Variants in NAV2 observed in about 807,000 individuals in gnomAD.
NAV2 encodes the protein helicase, APC down-regulated 1.
NAV2 carries 54 observed loss-of-function variants against 223.2 expected under a neutral mutation model. The ratio of observed to expected loss-of-function variants is 0.24; its 90% CI spans 0.19 to 0.30. NAV2 has a LOEUF of 0.30. Among genes scored for constraint, NAV2 ranks in the 10% least tolerant of loss-of-function variants. The pLI is 1.00. For missense variants in NAV2, 2,806 were observed against 3,147.5 expected (o/e 0.89, Z 2.60); for synonymous variants, 1,279 against 1,239.3 (o/e 1.03, Z -0.67).
chr11:20,112,727 G>C (rs1035076401), intron 36 of NAV2, among the ~76,000 whole-genome samples: 5 of 152,232 alleles, frequency 3.3e-5, no homozygotes, highest in African/African-American at 1.2e-4. Context: ...AGGAAGCTGA[G>C]GTTCTAGGTT....
intron 6 of NAV2, among the ~76,000 whole-genome samples, chr11:19,931,609 A>AAAAAAAAAAAAAAAAAAAAAAAAAAG (rs10692495): frequency 2.2e-5 from 3 of 137,306 alleles, no homozygotes. Flanking sequence ...AAAAAAAAAA[A>AAAAAAAAAAAAAAAAAAAAAAAAAAG]GCAGAAGAAG....
chr11:19,961,873 A>C (rs1157402923), intron 10 of NAV2, among the ~76,000 whole-genome samples: 2 of 151,996 alleles, frequency 1.3e-5, no homozygotes, highest in African/African-American at 2.4e-5. Flanking sequence ...TCTTGAGCAC[A>C]GTGACCAAAT....
intron 1 of NAV2, among the ~76,000 whole-genome samples, chr11:19,796,581 T>A (rs936338693): frequency 5.9e-5 from 9 of 152,206 alleles, no homozygotes; most frequent in Admixed American, 1.3e-4. Context: ...GTTAGGAAGC[T>A]GAGCCATAAT....
chr11:19,489,819 G>C (rs1590318770), intron 1 of NAV2, among the ~76,000 whole-genome samples: 1 of 152,162 alleles, frequency 6.6e-6, no homozygotes, highest in African/African-American at 2.4e-5. Flanking sequence ...TGCTCCATGA[G>C]AGGAACACTG....
chr11:19,908,143 A>G (rs958927217), intron 6 of NAV2, among the ~76,000 whole-genome samples: 2 of 152,228 alleles, frequency 1.3e-5, no homozygotes, highest in Non-Finnish European at 2.9e-5. Context: ...CCCTCAGATC[A>G]CCTTCTCAGA....
At chr11:20,096,127 G>A (rs1358114108) in intron 30 of NAV2, among the ~76,000 whole-genome samples, 1 of 152,138 alleles carries the variant, frequency 6.6e-6, no homozygotes, top group Admixed American at 6.5e-5. Context: ...CTGTGGCCAG[G>A]GCTTAGACAC....
chr11:19,357,804 A>G (rs950529570), intron 1 of NAV2, among the ~76,000 whole-genome samples: 2 of 152,218 alleles, frequency 1.3e-5, no homozygotes, highest in African/African-American at 4.8e-5. Flanking sequence ...CTTCGACTTC[A>G]TCTTTCCACA....
At chr11:19,705,754 C>T (rs1387652402) in intron 1 of NAV2, among the ~76,000 whole-genome samples, 1 of 152,110 alleles carries the variant, frequency 6.6e-6, no homozygotes, top group African/African-American at 2.4e-5. Flanking sequence ...GCATAGCAGG[C>T]TTTGTTGCTA....
intron 6 of NAV2, among the ~76,000 whole-genome samples, chr11:19,913,226 C>A (rs1470292272): frequency 6.6e-6 from 1 of 152,124 alleles, no homozygotes. Context: ...GATGCATTGC[C>A]TGGTACATTT....
At position 20,118,992 on chromosome 11, in the gene NAV2, G is replaced by T. The variant is rs540377373; in HGVS notation, c.*734G>T. 6.6e-6 allele frequency: 1 copy of T among 152,482 alleles called. No individual in the cohort carries two copies. Among genetic ancestry groups the T allele is most frequent in the African/African-American group, 2.4e-5 (1 of 41,434 alleles). 9.4% of individuals were successfully genotyped at this position (152,482 alleles called of 1,614,324 possible). Reference sequence around the variant, plus strand: ...TGAGAGTGAGTGACGGAGTGAGAGTGTGAGCGAGTGGATGTGGCTGTCAGT... The same window carrying T: ...TGAGAGTGAGTGACGGAGTGAGAGTTTGAGCGAGTGGATGTGGCTGTCAGT... On this transcript the variant is annotated 3_prime_UTR_variant, in exon 38 of 38. Transcript: ENST00000349880.
intron 11 of NAV2, among the ~76,000 whole-genome samples, chr11:19,984,562 G>C (rs921170770): frequency 6.6e-6 from 1 of 152,174 alleles, no homozygotes; most frequent in African/African-American, 2.4e-5. Flanking sequence ...CCCTAGGGAT[G>C]TGCTTTACTT....
chr11:19,861,967 T>C (rs148259166), intron 3 of NAV2, among the ~76,000 whole-genome samples: 79 of 152,310 alleles, frequency 5.2e-4, no homozygotes, highest in African/African-American at 1.5e-3. Flanking sequence ...AGAGTAAGGA[T>C]AGACTTCTAG....
rs1277037032 is a variant in NAV2 at position 19,949,098 on chromosome 11, C to G, written c.2645+18C>G. ...ACAAGCGGGTAAGTACCCGGGGCCG[C>G]CCTTTCTCCCAGAGAGAAAGAGGGC... On this transcript the variant is annotated intron_variant, in intron 10 of 37. Transcript: ENST00000349880. 1.3e-6 allele frequency: 2 copies of G among 1,563,170 alleles called. No individual in the cohort carries two copies. The highest frequency in any genetic ancestry group is 2.7e-5 in the African/African-American group (2 of 73,554).
At chr11:19,669,422 C>T (rs1300167133) in intron 1 of NAV2, among the ~76,000 whole-genome samples, 1 of 152,246 alleles carries the variant, frequency 6.6e-6, no homozygotes, top group African/African-American at 2.4e-5. Flanking sequence ...GTGACTTACC[C>T]TCTCTGTGCT....
chr11:19,977,950 G>A (rs930708034), intron 10 of NAV2, among the ~76,000 whole-genome samples: 3 of 151,210 alleles, frequency 2.0e-5, no homozygotes, highest in Admixed American at 6.6e-5. Flanking sequence ...GATTACAGGC[G>A]CCTGCCACCA....
Position 19,479,428 on chromosome 11 carries a change from G to A in NAV2, c.75+128401G>A, listed in dbSNP as rs186701447. ...ATCGGCAACCATGAGCAGTTATTGA[G>A]TACCATGTGCCAGATGCCGTGCTAA... On this transcript the variant is annotated intron_variant, in intron 1 of 37. Transcript: ENST00000360655. 2.2e-3 allele frequency among the ~76,000 whole-genome samples: 338 copies of A among 152,266 alleles called. 6 individuals carry two copies. In the South Asian group the frequency reaches 0.034, roughly 15 times the overall value.
intron 3 of NAV2, among the ~76,000 whole-genome samples, chr11:19,846,043 T>C (rs1285237330): frequency 2.6e-5 from 4 of 152,178 alleles, no homozygotes; most frequent in African/African-American, 9.7e-5. Flanking sequence ...TGCATGGCAC[T>C]GTGGAGACCC....
At chr11:19,795,880 A>G (rs1019665955) in intron 1 of NAV2, among the ~76,000 whole-genome samples, 5 of 152,302 alleles carry the variant, frequency 3.3e-5, no homozygotes, top group African/African-American at 7.2e-5. Flanking sequence ...GGCCATAGGC[A>G]TGGTTAGGCA....
At chr11:19,563,239 A>G (rs1288119933) in intron 1 of NAV2, among the ~76,000 whole-genome samples, 7 of 152,338 alleles carry the variant, frequency 4.6e-5, no homozygotes, top group African/African-American at 1.7e-4. Flanking sequence ...CGCCTGCCCA[A>G]TAGTCAGGAC....
Sources: allele counts gnomAD v4.1 joint callset (sites outside exome capture counted in the v4.1 genomes callset), GRCh38; gene constraint gnomAD v4.1.1; transcripts MANE v1.5; gene names NCBI Gene and HGNC (gene_info 2026-07-23, HGNC 2026-07-21).